The following FNIP1 variants were observed in gnomAD, a reference collection of about 807,000 sequenced individuals.
FNIP1 encodes folliculin-interacting protein 1.
In FNIP1, 40 loss-of-function variants were observed where a neutral mutation model predicts 124.5. That is an observed-to-expected ratio of 0.32 (90% CI 0.25 to 0.42). The LOEUF (loss-of-function observed/expected upper bound fraction) is 0.42. FNIP1 is among the 10% of genes least tolerant of loss of function. The pLI, the probability that FNIP1 is intolerant of heterozygous loss-of-function variation, is 1.00. For missense variants in FNIP1, 1,176 were observed against 1,403.7 expected, an observed-to-expected ratio of 0.84 and a Z score of 2.59; for synonymous variants, 472 against 470.6, an observed-to-expected ratio of 1.00 and a Z score of -0.04.
chr5:131,672,995 C>A, intron 13 of FNIP1, 71 bp from the exon 14 acceptor site: 1 of 1,112,498 alleles, frequency 9.0e-7, no homozygotes, highest in South Asian at 1.9e-5. Context: ...TTTTAATGAT[C>A]AGAAACCTAC....
Position 131,719,019 on chromosome 5 carries a change from C to T in FNIP1, c.497G>A (p.Arg166Gln), listed in dbSNP as rs775278434. The T allele has an allele frequency of 4.3e-6, 7 of 1,613,322 alleles. No individual in the cohort carries two copies. The highest frequency in any genetic ancestry group is 1.7e-5 in the Admixed American group (1 of 59,984). ...QLMLSKVFTARTGSSICGSLN... is the reference protein window; with the variant it reads ...QLMLSKVFTAQTGSSICGSLN... ...ACTCCCACAAATACTGCTGCCAGTC[C>T]GAGCAGTAAACACTTTGCTGAGCAT... The change falls in exon 5 of 18, where the codon CGG becomes CAG. Residue 166 changes from arginine to glutamine, a missense_variant. Around this residue, in one of 2 missense-constraint regions of FNIP1, gnomAD observed 1,109 missense variants for 1,288.5 expected, o/e 0.86. Coordinates refer to ENST00000510461, the MANE Select transcript of FNIP1 (RefSeq NM_133372.3).
At chr5:131,718,428 G>T (rs1457022336) in intron 5 of FNIP1, among the ~76,000 whole-genome samples, 1 of 152,116 alleles carries the variant, frequency 6.6e-6, no homozygotes, top group Non-Finnish European at 1.5e-5. Context: ...ATCTCTCTCT[G>T]GGGTCTTCCA....
At chr5:131,704,364 C>T in intron 9 of FNIP1, 98 bp from the exon 10 acceptor site, 1 of 1,011,074 alleles carries the variant, frequency 9.9e-7, no homozygotes, top group Non-Finnish European at 1.4e-6. Context: ...AAGTCTTTTG[C>T]TGTTTTATCA....
At chr5:131,710,330 T>C (rs1202266526) in intron 7 of FNIP1, among the ~76,000 whole-genome samples, 2 of 152,206 alleles carry the variant, frequency 1.3e-5, no homozygotes, top group East Asian at 3.8e-4. Context: ...TTAAAATCAT[T>C]ATGCCACAAG....
At chr5:131,665,734 T>A (rs1043582694) in intron 15 of FNIP1, among the ~76,000 whole-genome samples, 2 of 150,710 alleles carry the variant, frequency 1.3e-5, no homozygotes, top group African/African-American at 4.9e-5. Context: ...GGATTACAGA[T>A]GCCCACCACC....
intron 2 of FNIP1, among the ~76,000 whole-genome samples, chr5:131,738,658 C>G (rs893505656): frequency 2.6e-4 from 40 of 152,184 alleles, no homozygotes; most frequent in African/African-American, 8.9e-4. Context: ...TGCCACCACA[C>G]CCGGCTAATT....
intron 2 of FNIP1, among the ~76,000 whole-genome samples, chr5:131,732,891 T>C (rs1001504121): frequency 2.6e-5 from 4 of 152,232 alleles, no homozygotes; most frequent in Admixed American, 2.0e-4. Flanking sequence ...TTGATGGGGA[T>C]GGCACTGAAT....
chr5:131,722,919 C>T (rs955574755), intron 3 of FNIP1, among the ~76,000 whole-genome samples: 3 of 152,110 alleles, frequency 2.0e-5, no homozygotes, highest in Non-Finnish European at 1.5e-5. Context: ...CTCTTGACCT[C>T]GTGATCCACC....
At chr5:131,739,706 G>A (rs1012283161) in intron 2 of FNIP1, among the ~76,000 whole-genome samples, 2 of 151,570 alleles carry the variant, frequency 1.3e-5, no homozygotes, top group Admixed American at 6.6e-5. Flanking sequence ...CCAGCTACTC[G>A]GGAGGCTGAG....
chr5:131,688,979 C>G (rs1263933975), intron 11 of FNIP1, among the ~76,000 whole-genome samples: 1 of 151,788 alleles, frequency 6.6e-6, no homozygotes, highest in East Asian at 1.9e-4. Flanking sequence ...ACCATAGACG[C>G]AGGAGGCTCA....
rs1766772150 is a variant in FNIP1, at chr5:131,643,354, TG to T, written c.*1330del. On this transcript the variant is annotated 3_prime_UTR_variant, in exon 18 of 18. Transcript: ENST00000510461. ...GTGGTTTTCTTTTTTTAATCAATGA[TG>T]AAATTATGATGAAAATAGTCAATGA... 1 of 152,716 alleles carries T rather than the reference TG, an allele frequency of 6.5e-6. No individual in the cohort carries two copies. Among genetic ancestry groups the T allele is most frequent in the Non-Finnish European group, 1.5e-5 (1 of 68,030 alleles). The allele number at this position is 152,716 out of a possible 1,614,324, so 9.5% of individuals were successfully genotyped here. A position where few individuals can be genotyped will look rare whatever the true frequency, so the allele number is the denominator to read the frequency against.
intron 17 of FNIP1, 75 bp from the exon 18 acceptor site, chr5:131,644,838 C>T: frequency 7.1e-7 from 1 of 1,406,828 alleles, no homozygotes; most frequent in South Asian, 1.2e-5. Flanking sequence ...CAATGACCAC[C>T]AACTGTAAGG....
chr5:131,740,849 A>C (rs1410010227), intron 2 of FNIP1, among the ~76,000 whole-genome samples: 1 of 152,202 alleles, frequency 6.6e-6, no homozygotes, highest in Non-Finnish European at 1.5e-5. Flanking sequence ...TGCAGTAAAG[A>C]AGCTGGCTAA....
At chr5:131,782,800 G>T (rs533552401) in intron 1 of FNIP1, among the ~76,000 whole-genome samples, 2 of 152,302 alleles carry the variant, frequency 1.3e-5, no homozygotes, top group East Asian at 3.9e-4. Flanking sequence ...CTGTAGATGT[G>T]GTGGAAATAG....
intron 15 of FNIP1, among the ~76,000 whole-genome samples, chr5:131,658,570 C>T (rs1767281603): frequency 6.6e-6 from 1 of 151,902 alleles, no homozygotes; most frequent in African/African-American, 2.4e-5. Flanking sequence ...AGGGGGGCCA[C>T]AAAGGCTGAT....
intron 5 of FNIP1, among the ~76,000 whole-genome samples, chr5:131,718,323 T>TA (rs1354760375): frequency 3.9e-5 from 6 of 152,228 alleles, no homozygotes; most frequent in Non-Finnish European, 8.8e-5. Context: ...AGAATTTCTG[T>TA]AGTCTGGAGT....
At position 131,781,175 on chromosome 5, in the gene FNIP1, A is replaced by T. The variant is rs553817315; in HGVS notation, c.92+15655T>A. ...GGCCCTAACTCTCTCAACTCTATGA[A>T]GTCTGAGAGAGGTGAGAAGTTTGAA... is the stretch of plus-strand genomic sequence containing the variant. On this transcript the variant is annotated intron_variant, in intron 1 of 17. Coordinates refer to ENST00000510461, the MANE Select transcript of FNIP1 (RefSeq NM_133372.3). Among the ~76,000 whole-genome samples the T allele has an allele frequency of 5.9e-5, 9 of 152,360 alleles. 1 individual carries two copies. In the South Asian group the frequency reaches 1.7e-3, roughly 28 times the overall value.
chr5:131,650,301 T>C (rs1767004444), intron 16 of FNIP1, among the ~76,000 whole-genome samples: 2 of 152,178 alleles, frequency 1.3e-5, no homozygotes, highest in Admixed American at 1.3e-4. Flanking sequence ...TCAATAATGT[T>C]TTATACCTTA....
intron 10 of FNIP1, among the ~76,000 whole-genome samples, chr5:131,699,524 G>C (rs1250632696): frequency 6.6e-6 from 1 of 151,362 alleles, no homozygotes; most frequent in East Asian, 2.0e-4. Context: ...CTCCCGAGTA[G>C]CTGGGATTAC....
Sources: allele counts gnomAD v4.1 joint callset (sites outside exome capture counted in the v4.1 genomes callset), GRCh38; gene constraint gnomAD v4.1.1; regional missense constraint gnomAD v4.1.1; transcripts MANE v1.5; gene names NCBI Gene and HGNC (gene_info 2026-07-23, HGNC 2026-07-21).